TRAPPC12: variants seen among roughly 807,000 people sequenced by gnomAD.
TRAPPC12 encodes the protein trafficking protein particle complex subunit 12.
A neutral mutation model predicts 69.2 loss-of-function variants in TRAPPC12; 61 were observed. The observed-to-expected ratio is 0.88, with a 90% CI of 0.72 to 1.09. The LOEUF is 1.09. Ranked by LOEUF, TRAPPC12 falls within the 50% of genes least tolerant of loss-of-function variation. The pLI is 0.00. For missense variants in TRAPPC12, 1,101 were observed against 1,016.4 expected, an observed-to-expected ratio of 1.08 and a Z score of -1.13; for synonymous variants, 469 against 438.9, an observed-to-expected ratio of 1.07 and a Z score of -0.86.
chr2:3,431,831 T>C (rs1317098976), intron 5 of TRAPPC12, among the ~76,000 whole-genome samples: 6 of 152,256 alleles, frequency 3.9e-5, no homozygotes, highest in African/African-American at 1.4e-4. Context: ...ACTCTTGTGT[T>C]GTACATATTC....
In TRAPPC12 at chr2:3,387,969, G is replaced by A. The variant is rs1172175319; in HGVS notation, c.346G>A (p.Gly116Ser). Residue 116 changes from glycine (G) to serine (S), a missense_variant, in exon 2 of 12, where the codon GGC becomes AGC. By Grantham distance (56) the Gly-to-Ser change is moderately conservative. Transcript: ENST00000324266. ...GTPSPSGEADGDCAPEDAAPS... is the reference protein window; with the variant it reads ...GTPSPSGEADSDCAPEDAAPS... ...CCCGAGTCCCAGCGGCGAGGCCGAC[G>A]GCGACTGTGCCCCCGAGGACGCGGC... 2 of 1,477,582 alleles carry A rather than the reference G, an allele frequency of 1.4e-6. No individual in the cohort carries two copies. The highest frequency in any genetic ancestry group is 1.3e-5 in the South Asian group (1 of 75,522). 91.5% of individuals were successfully genotyped at this position (1,477,582 alleles called of 1,614,324 possible). A position where few individuals can be genotyped will look rare whatever the true frequency, so the allele number is the denominator to read the frequency against.
intron 9 of TRAPPC12, among the ~76,000 whole-genome samples, chr2:3,469,672 G>A (rs1310588831): frequency 6.6e-6 from 1 of 152,184 alleles, no homozygotes; most frequent in African/African-American, 2.4e-5. Context: ...TGCTTCCGCT[G>A]CCTCCTCAGG....
At chr2:3,455,448 G>A (rs900553064) in intron 6 of TRAPPC12, 2 of 128,466 alleles carry the variant, frequency 1.6e-5, no homozygotes, top group African/African-American at 5.7e-5. Context: ...CAAACACTAG[G>A]TCTTATTTGT....
At chr2:3,393,724 T>C (rs959614501) in intron 2 of TRAPPC12, among the ~76,000 whole-genome samples, 2 of 151,496 alleles carry the variant, frequency 1.3e-5, no homozygotes, top group African/African-American at 4.8e-5. Flanking sequence ...ATCAAATGGC[T>C]TAACTTTAGT....
Position 3,383,006 on chromosome 2 carries a change from T to C in TRAPPC12, c.-5+3130T>C, listed in dbSNP as rs193240631. Among the ~76,000 whole-genome samples, 291 of 152,356 alleles carry C rather than the reference T, an allele frequency of 1.9e-3. 1 individual carries two copies. Among genetic ancestry groups the C allele is most frequent in the African/African-American group, 6.8e-3 (281 of 41,576 alleles). On this transcript the variant is annotated intron_variant, in intron 1 of 11. Transcript: ENST00000324266. Reference sequence around the variant, plus strand: ...TGAATTGTTCTGGGAAAAATCAAGATGTATAGTTATCAAAGTGATAAGATA... The same window carrying C: ...TGAATTGTTCTGGGAAAAATCAAGACGTATAGTTATCAAAGTGATAAGATA...
chr2:3,450,029 G>A (rs1664769084), intron 6 of TRAPPC12, among the ~76,000 whole-genome samples: 1 of 152,008 alleles, frequency 6.6e-6, no homozygotes, highest in Non-Finnish European at 1.5e-5. Flanking sequence ...TGGGCATCAG[G>A]GCTTTCCAGG....
intron 2 of TRAPPC12, among the ~76,000 whole-genome samples, chr2:3,391,304 C>A (rs1251528446): frequency 6.6e-6 from 1 of 152,154 alleles, no homozygotes. Context: ...ACCCACTTAC[C>A]CACTCCACTC....
chr2:3,455,445 T>A (rs904511088), intron 6 of TRAPPC12: 2 of 137,550 alleles, frequency 1.5e-5, no homozygotes, highest in Non-Finnish European at 3.1e-5. Context: ...TAGCAAACAC[T>A]AGGTCTTATT....
intron 8 of TRAPPC12, among the ~76,000 whole-genome samples, chr2:3,461,209 T>C (rs1373357653): frequency 6.6e-6 from 1 of 152,196 alleles, no homozygotes; most frequent in African/African-American, 2.4e-5. Context: ...GTGGCAGCCC[T>C]GCTTTATGCA....
At chr2:3,477,607 T>C (rs1666349142) in intron 9 of TRAPPC12, 88 bp from the exon 10 acceptor site, 1 of 692,000 alleles carries the variant, frequency 1.4e-6, no homozygotes, top group African/African-American at 1.8e-5. Flanking sequence ...TGTCTTCATA[T>C]TCTAACATGA....
chr2:3,405,543 A>G (rs1661684717), intron 3 of TRAPPC12, among the ~76,000 whole-genome samples: 1 of 152,190 alleles, frequency 6.6e-6, no homozygotes, highest in East Asian at 1.9e-4. Flanking sequence ...AAGACCTTAT[A>G]TCTGATGGGA....
chr2:3,436,790 C>T (rs1207657063), intron 5 of TRAPPC12, among the ~76,000 whole-genome samples: 2 of 146,460 alleles, frequency 1.4e-5, no homozygotes, highest in Admixed American at 6.8e-5. Context: ...GATTAATACC[C>T]CATCACCCCT....
intron 8 of TRAPPC12, among the ~76,000 whole-genome samples, chr2:3,462,637 C>T (rs779909490): frequency 6.6e-6 from 1 of 152,242 alleles, no homozygotes; most frequent in Non-Finnish European, 1.5e-5. Context: ...GATAAATCTG[C>T]ATGATATGCT....
intron 8 of TRAPPC12, chr2:3,460,619 AT>A: frequency 5.3e-6 from 2 of 379,848 alleles, no homozygotes; most frequent in African/African-American, 2.1e-5. Context: ...ATTTTCCCCC[AT>A]TTTTCTCTGA....
chr2:3,421,638 G>T, intron 3 of TRAPPC12: 1 of 704,348 alleles, frequency 1.4e-6, no homozygotes, highest in South Asian at 1.5e-5. Flanking sequence ...ATGTTTTTAT[G>T]ATTTGATCGG....
intron 6 of TRAPPC12, among the ~76,000 whole-genome samples, chr2:3,444,547 G>C (rs1166519920): frequency 6.6e-6 from 1 of 152,206 alleles, no homozygotes; most frequent in Admixed American, 6.5e-5. Context: ...TTCTACCCAC[G>C]TCACAGTGTT....
At chr2:3,426,715 C>T (rs556720256) in intron 5 of TRAPPC12, among the ~76,000 whole-genome samples, 1 of 152,374 alleles carries the variant, frequency 6.6e-6, no homozygotes, top group East Asian at 1.9e-4. Context: ...AGCCTGGAAG[C>T]TGCTCGGTGG....
intron 5 of TRAPPC12, among the ~76,000 whole-genome samples, chr2:3,439,887 ATT>A (rs55915131): frequency 6.8e-6 from 1 of 146,768 alleles, no homozygotes. Flanking sequence ...GTCTAGATTC[ATT>A]TTTTTTTTTT....
At chr2:3,452,863 T>C (rs138321739) in intron 6 of TRAPPC12, among the ~76,000 whole-genome samples, 34 of 152,384 alleles carry the variant, frequency 2.2e-4, no homozygotes, top group African/African-American at 8.2e-4. Flanking sequence ...TTCTGGTTGC[T>C]TCTCCTCTTA....
Sources: gnomAD v4.1 joint callset for allele counts (sites outside exome capture counted in the v4.1 genomes callset) on GRCh38, gnomAD v4.1.1 for gene constraint, MANE v1.5 for transcripts, NCBI Gene and HGNC (gene_info 2026-07-23, HGNC 2026-07-21) for gene names.